The following PKHD1L1 variants were observed in gnomAD, a reference collection of about 807,000 sequenced individuals.
PKHD1L1 encodes fibrocystin-L.
PKHD1L1 carries 434 observed loss-of-function variants against 462.9 expected under a neutral mutation model. The ratio of observed to expected loss-of-function variants is 0.94; its 90% CI spans 0.87 to 1.02. The LOEUF is 1.02. PKHD1L1 is among the 50% of genes least tolerant of loss of function. The pLI is 0.00. For missense variants in PKHD1L1, 5,202 were observed against 5,096.1 expected (o/e 1.02, Z -0.63); for synonymous variants, 1,781 against 1,750.0 (o/e 1.02, Z -0.44).
intron 8 of PKHD1L1, 142 bp from the exon 9 acceptor site, chr8:109,390,310 C>A (rs894460283): frequency 1.4e-5 from 6 of 435,184 alleles, no homozygotes; most frequent in African/African-American, 2.0e-5. Flanking sequence ...ATTTTTATTT[C>A]TTTGATGATG....
chr8:109,385,687 TA>T, intron 6 of PKHD1L1, 57 bp downstream of exon 6: 1 of 1,143,350 alleles, frequency 8.7e-7, no homozygotes, highest in South Asian at 1.5e-5. Flanking sequence ...AGTAATATTA[TA>T]AAAATAATGG....
chr8:109,413,300 C>A, intron 20 of PKHD1L1, 121 bp from the exon 21 acceptor site: 1 of 659,694 alleles, frequency 1.5e-6, no homozygotes, highest in Non-Finnish European at 2.2e-6. Context: ...TCTCTGTGTT[C>A]TGGTACGTTT....
chr8:109,506,653 A>G (rs1356817854), intron 68 of PKHD1L1, among the ~76,000 whole-genome samples: 1 of 152,196 alleles, frequency 6.6e-6, no homozygotes, highest in Non-Finnish European at 1.5e-5. Context: ...ATTTGAATAC[A>G]ACGAACACAT....
intron 53 of PKHD1L1, among the ~76,000 whole-genome samples, chr8:109,478,882 C>G (rs942908570): frequency 6.6e-6 from 1 of 151,984 alleles, no homozygotes; most frequent in African/African-American, 2.4e-5. Flanking sequence ...TTGTATTATT[C>G]AGCTAGCTAT....
At chr8:109,475,024 C>G (rs142178079) in intron 50 of PKHD1L1, 94 bp from the exon 51 acceptor site, 14,178 of 1,224,290 alleles carry the variant, frequency 0.012, 108 homozygotes, top group Non-Finnish European at 0.014. Context: ...GCTAAACCAA[C>G]CAAACTAAAC....
intron 10 of PKHD1L1, among the ~76,000 whole-genome samples, chr8:109,395,088 C>T (rs557165519): frequency 6.6e-5 from 10 of 152,300 alleles, no homozygotes; most frequent in African/African-American, 2.4e-4. Context: ...TACCGCATAT[C>T]ACTAGCCTGG....
intron 1 of PKHD1L1, among the ~76,000 whole-genome samples, chr8:109,363,924 G>A (rs1230181107): frequency 6.6e-6 from 1 of 152,168 alleles, no homozygotes; most frequent in Non-Finnish European, 1.5e-5. Context: ...CCTTTGGAAA[G>A]TTAGGACTGT....
Position 109,394,491 on chromosome 8 carries a change from T to C in PKHD1L1, c.811+6T>C. 2 of 1,490,274 alleles carry C rather than the reference T, an allele frequency of 1.3e-6. No homozygotes were observed. The highest frequency in any genetic ancestry group is 1.8e-6 in the Non-Finnish European group (2 of 1,111,144). 92.3% of individuals were successfully genotyped at this position (1,490,274 alleles called of 1,614,324 possible). On this transcript the variant is annotated splice_donor_region_variant and intron_variant, in intron 10 of 77. Transcript: ENST00000378402. ...AATGTTTCAAACATATGCAGGTATG[T>C]GACTTTTCTTTCACTCTGTTGCGGG...
chr8:109,519,947 C>T (rs1820462895), intron 73 of PKHD1L1, among the ~76,000 whole-genome samples: 4 of 151,590 alleles, frequency 2.6e-5, no homozygotes, highest in Non-Finnish European at 4.4e-5. Context: ...TCACTTTATG[C>T]CACTAGAGAT....
intron 8 of PKHD1L1, among the ~76,000 whole-genome samples, chr8:109,389,407 C>G (rs17445342): frequency 0.16 from 25,027 of 151,742 alleles, 2,334 homozygotes; most frequent in South Asian, 0.29. Context: ...TACAGCATTC[C>G]GTGTCTAATT....
intron 23 of PKHD1L1, 54 bp from the exon 24 acceptor site, chr8:109,425,031 A>T (rs1814663791): frequency 7.3e-7 from 1 of 1,365,070 alleles, no homozygotes; most frequent in Admixed American, 2.6e-5. Flanking sequence ...AATAGAAATC[A>T]TGTAAGCCAT....
At chr8:109,502,125 T>C (rs759859431) in intron 67 of PKHD1L1, among the ~76,000 whole-genome samples, 8 of 152,156 alleles carry the variant, frequency 5.3e-5, no homozygotes, top group Non-Finnish European at 8.8e-5. Flanking sequence ...CTGAAATGCA[T>C]TGGAATTATG....
chr8:109,385,431 G>T, intron 5 of PKHD1L1, 106 bp from the exon 6 acceptor site: 1 of 641,328 alleles, frequency 1.6e-6, no homozygotes, highest in South Asian at 2.2e-5. Context: ...TGAGGTATAA[G>T]TGTCTGGGTC....
At position 109,373,285 on chromosome 8, in the gene PKHD1L1, T is replaced by C. The variant is rs555248564; in HGVS notation, c.164-8085T>C. 1.4e-4 allele frequency among the ~76,000 whole-genome samples: 21 copies of C among 152,362 alleles called. No individual in the cohort carries two copies. In the South Asian group the frequency reaches 4.3e-3, roughly 32 times the overall value. ...CATTTCTTCTAGATTTTCTAGTTTA[T>C]TTGCATAGAGGTGTTTATAGTATTC... On this transcript the variant is annotated intron_variant, in intron 2 of 77. Coordinates refer to ENST00000378402, the MANE Select transcript of PKHD1L1 (RefSeq NM_177531.6).
At chr8:109,439,448 A>G (rs1487696336) in intron 32 of PKHD1L1, among the ~76,000 whole-genome samples, 2 of 152,110 alleles carry the variant, frequency 1.3e-5, no homozygotes, top group Non-Finnish European at 2.9e-5. Context: ...AATGGTGCTC[A>G]CAATTTTCTT....
Position 109,504,462 on chromosome 8 carries a change from CA to C in PKHD1L1, c.10969del (p.Ile3657TyrfsTer8), listed in dbSNP as rs781088353. The part of the protein sequence containing the change: ...NIKLVDTTEQ[S>X]KIFIHRPDIS... ...AAACTGGTTGATACCACTGAACAAT[CA>C]AAAATATTTATACATAGGCCTGATA... On this transcript the variant is annotated frameshift_variant, in exon 68 of 78. Transcript: ENST00000378402. LOFTEE classifies it high-confidence loss of function. The C allele has an allele frequency of 2.6e-6, 4 of 1,537,098 alleles. No homozygotes were observed. Among genetic ancestry groups the C allele is most frequent in the South Asian group, 2.5e-5 (2 of 80,378 alleles).
At chr8:109,392,086 A>T (rs1210237449) in intron 9 of PKHD1L1, among the ~76,000 whole-genome samples, 1 of 152,194 alleles carries the variant, frequency 6.6e-6, no homozygotes, top group African/African-American at 2.4e-5. Flanking sequence ...CTACTTACAT[A>T]CGACTTGATA....
chr8:109,456,447 T>C, intron 46 of PKHD1L1, 56 bp downstream of exon 46: 5 of 1,465,606 alleles, frequency 3.4e-6, no homozygotes, highest in Admixed American at 2.6e-5. Context: ...TTTTATACTG[T>C]ATAAAGAGGG....
chr8:109,524,632 G>T (rs1489612235), intron 76 of PKHD1L1, among the ~76,000 whole-genome samples: 2 of 152,104 alleles, frequency 1.3e-5, no homozygotes, highest in Non-Finnish European at 2.9e-5. Context: ...AATAGGTTTT[G>T]GCATTTTACT....
Sources: allele counts gnomAD v4.1 joint callset (sites outside exome capture counted in the v4.1 genomes callset), GRCh38; gene constraint gnomAD v4.1.1; transcripts MANE v1.5; gene names NCBI Gene and HGNC (gene_info 2026-07-23, HGNC 2026-07-21).